Variants in NPL observed in about 807,000 individuals in gnomAD.
NPL encodes the protein N-acetylneuraminate pyruvate lyase, also known as N-acetylneuraminate lyase.
In NPL, 32 loss-of-function variants were observed where a neutral mutation model predicts 41.1. The observed-to-expected ratio is 0.78, with a 90% CI of 0.59 to 1.05. NPL has a LOEUF of 1.05. Among genes scored for constraint, NPL ranks in the 50% least tolerant of loss-of-function variants. The probability of loss-of-function intolerance (pLI) is 0.00; values close to 1 mark genes in which losing one functional copy is unlikely to be tolerated. For missense variants in NPL, 321 were observed against 378.4 expected (o/e 0.85, Z 1.26); for synonymous variants, 128 against 134.9 (o/e 0.95, Z 0.35).
chr1:182,817,620 G>A (rs1237333292), intron 8 of NPL, among the ~76,000 whole-genome samples: 1 of 152,174 alleles, frequency 6.6e-6, no homozygotes, highest in Non-Finnish European at 1.5e-5. Context: ...CCCAGGTTGT[G>A]GCCTGTACTT....
intron 3 of NPL, among the ~76,000 whole-genome samples, chr1:182,802,461 A>G (rs1165609688): frequency 6.6e-6 from 1 of 150,890 alleles, no homozygotes; most frequent in Non-Finnish European, 1.5e-5. Flanking sequence ...TCCTAGATGC[A>G]TCAGATTTTT....
intron 11 of NPL, among the ~76,000 whole-genome samples, chr1:182,824,758 C>T (rs1667586661): frequency 6.6e-6 from 1 of 152,088 alleles, no homozygotes. Context: ...GATCATGCCA[C>T]CGCACTCCAG....
intron 3 of NPL, among the ~76,000 whole-genome samples, chr1:182,800,458 AAAC>A (rs1444842498): frequency 8.1e-4 from 120 of 147,652 alleles, no homozygotes; most frequent in African/African-American, 3.0e-3. Context: ...AAAAAAAAAA[AAAC>A]GGACAGAATC....
chr1:182,829,792 T>A lies in NPL; in HGVS notation c.*884T>A. ...TCCTGTCACACTTGCAACTAGTGAC[T>A]TTTGTTTAGTGATAGAAGATTTGGG... On this transcript the variant is annotated 3_prime_UTR_variant, in exon 13 of 13. Transcript: ENST00000367553. The A allele has an allele frequency of 1.4e-6, 1 of 690,676 alleles. No individual in the cohort carries two copies. Among genetic ancestry groups the A allele is most frequent in the Non-Finnish European group, 2.5e-6 (1 of 399,100 alleles). The allele number at this position is 690,676 out of a possible 1,614,324, so 42.8% of individuals were successfully genotyped here. A position where few individuals can be genotyped will look rare whatever the true frequency, so the allele number is the denominator to read the frequency against.
At chr1:182,821,014 T>C (rs1026839881) in intron 10 of NPL, among the ~76,000 whole-genome samples, 1 of 152,250 alleles carries the variant, frequency 6.6e-6, no homozygotes, top group Non-Finnish European at 1.5e-5. Flanking sequence ...TTCTCCCTAG[T>C]TATAATCACC....
chr1:182,806,481 A>G, intron 5 of NPL: 2 of 1,536,198 alleles, frequency 1.3e-6, no homozygotes, highest in South Asian at 2.4e-5. Context: ...ACTGCTTCTT[A>G]CCTGTCTACA....
intron 3 of NPL, among the ~76,000 whole-genome samples, chr1:182,795,514 A>T (rs1248104279): frequency 6.6e-6 from 1 of 152,140 alleles, no homozygotes; most frequent in East Asian, 1.9e-4. Context: ...TTTAAAGGAG[A>T]TGAAATTTCT....
intron 5 of NPL, 85 bp downstream of exon 5, chr1:182,806,317 C>T (rs1307434289): frequency 1.1e-5 from 17 of 1,587,188 alleles, no homozygotes; most frequent in Non-Finnish European, 1.4e-5. Flanking sequence ...GCCCTCCCTG[C>T]TTCCTGGTCA....
At chr1:182,795,191 G>A (rs1455462682) in intron 3 of NPL, among the ~76,000 whole-genome samples, 1 of 152,114 alleles carries the variant, frequency 6.6e-6, no homozygotes, top group Non-Finnish European at 1.5e-5. Flanking sequence ...CCACCTCCTG[G>A]ATCTATATGT....
In NPL at chr1:182,829,471, C is replaced by T. The variant is rs188855637; in HGVS notation, c.*563C>T. 40 of 1,455,178 alleles carry T rather than the reference C, an allele frequency of 2.7e-5. No homozygotes were observed. The African/African-American group carries it at 3.6e-4, about 13-fold the overall frequency. The allele number at this position is 1,455,178 out of a possible 1,614,324, so 90.1% of individuals were successfully genotyped here. A position where few individuals can be genotyped will look rare whatever the true frequency, so the allele number is the denominator to read the frequency against. ...AATTCATTTCGATGTCACCACTTTT[C>T]GCTCTTTAAAAACACTGGGTCAGGT... is the stretch of plus-strand genomic sequence containing the variant. On this transcript the variant is annotated 3_prime_UTR_variant, in exon 13 of 13. Transcript: ENST00000367553.
chr1:182,796,651 G>A lies in NPL; in HGVS notation c.68+2212G>A, dbSNP rs564360939. On this transcript the variant is annotated intron_variant, in intron 3 of 12. Transcript: ENST00000367553. ...AGGGTAGCTGGCAGAAAGAACATGG[G>A]TAAGTAGATCTTAGTGAAATGATGT... 5.3e-5 allele frequency among the ~76,000 whole-genome samples: 8 copies of A among 152,286 alleles called. No homozygotes were observed. In the East Asian group the frequency reaches 1.4e-3, roughly 26 times the overall value.
chr1:182,811,857 T>G (rs1056603447), intron 5 of NPL, among the ~76,000 whole-genome samples: 2 of 152,198 alleles, frequency 1.3e-5, no homozygotes, highest in African/African-American at 4.8e-5. Flanking sequence ...ATTTTAACCT[T>G]GCCTTTAAAT....
At chr1:182,801,005 C>T (rs538172756) in intron 3 of NPL, among the ~76,000 whole-genome samples, 1 of 152,234 alleles carries the variant, frequency 6.6e-6, no homozygotes, top group Non-Finnish European at 1.5e-5. Flanking sequence ...GCTGAGATTA[C>T]AGGCATGAGC....
chr1:182,809,375 C>A, intron 5 of NPL: 2 of 285,210 alleles, frequency 7.0e-6, no homozygotes, highest in South Asian at 2.9e-5. Flanking sequence ...CCCGTCTCTA[C>A]TAAAAATACA....
In NPL at chr1:182,828,921, A is replaced by C. The variant is rs1188501740; in HGVS notation, c.*13A>C. ...AGCTGGTAGCTAGTGCCTCTCTATCAAATCAGGGTTTGCACCTTGAGACAT... is the reference window on the plus strand; with the variant it reads ...AGCTGGTAGCTAGTGCCTCTCTATCCAATCAGGGTTTGCACCTTGAGACAT... On this transcript the variant is annotated 3_prime_UTR_variant, in exon 13 of 13. Transcript: ENST00000367553. This position sits in a 1 kb window ranked among gnomAD's most constrained non-coding sequence, Gnocchi z 4.0. The C allele has an allele frequency of 1.9e-6, 3 of 1,613,972 alleles. No homozygotes were observed. The African/African-American group carries it at 4.0e-5, about 22-fold the overall frequency.
At chr1:182,804,827 C>CA (rs1422711168) in intron 4 of NPL, among the ~76,000 whole-genome samples, 2 of 152,152 alleles carry the variant, frequency 1.3e-5, no homozygotes, top group African/African-American at 4.8e-5. Context: ...GACCTGATTA[C>CA]AAAACCACTC....
At chr1:182,799,028 G>A (rs1666756958) in intron 3 of NPL, among the ~76,000 whole-genome samples, 1 of 152,232 alleles carries the variant, frequency 6.6e-6, no homozygotes, top group African/African-American at 2.4e-5. Context: ...AGCCTGTCCT[G>A]TGGATTCTGT....
chr1:182,794,557 C>A, intron 3 of NPL, 118 bp downstream of exon 3: 2 of 1,001,996 alleles, frequency 2.0e-6, no homozygotes, highest in Non-Finnish European at 3.1e-6. Context: ...TGCCAAAAGG[C>A]AGCTTCTGTC....
rs748455450 is a variant in NPL at position 182,818,763 on chromosome 1, T to C, written c.607-50T>C. ...ATTTGTGTAGCTATATAGTAGCATCTCTTCTCTTTCTCTTTTTTATACAAG... is the reference window on the plus strand; with the variant it reads ...ATTTGTGTAGCTATATAGTAGCATCCCTTCTCTTTCTCTTTTTTATACAAG... On this transcript the variant is annotated intron_variant, in intron 9 of 12. Transcript: ENST00000367553. 5 of 1,613,656 alleles carry C rather than the reference T, an allele frequency of 3.1e-6. No individual in the cohort carries two copies. The South Asian group carries it at 5.5e-5, about 18-fold the overall frequency.
Sources: allele counts gnomAD v4.1 joint callset (sites outside exome capture counted in the v4.1 genomes callset), GRCh38; gene constraint gnomAD v4.1.1; non-coding constraint Gnocchi (gnomAD v3.1); transcripts MANE v1.5; gene names NCBI Gene and HGNC (gene_info 2026-07-23, HGNC 2026-07-21).